Variants in CNTNAP3B observed in about 807,000 individuals in gnomAD.
The protein encoded by CNTNAP3B is contactin associated protein family member 3B.
CNTNAP3B carries 25 observed loss-of-function variants against 108.9 expected under a neutral mutation model. The ratio of observed to expected loss-of-function variants is 0.23; its 90% CI spans 0.17 to 0.32. The LOEUF (loss-of-function observed/expected upper bound fraction) is 0.32, where lower values mean the gene tolerates loss of function less well. CNTNAP3B is among the 10% of genes least tolerant of loss of function. CNTNAP3B has a pLI of 1.00. For missense variants in CNTNAP3B, 252 were observed against 1,210.4 expected, an observed-to-expected ratio of 0.21 and a Z score of 11.75; for synonymous variants, 103 against 473.4, an observed-to-expected ratio of 0.22 and a Z score of 10.16.
Position 41,997,758 on chromosome 9 carries a change from A to G in CNTNAP3B, c.743-6T>C. On this transcript the variant is annotated splice_polypyrimidine_tract_variant and splice_region_variant and intron_variant, in intron 5 of 23. Transcript: ENST00000377561. Reference sequence around the variant, plus strand: ...AGAAGGCAGCTTAGCATTGCCTTAAAGGAGAAGGAAAAAAACAGTTATTTC... The same window carrying G: ...AGAAGGCAGCTTAGCATTGCCTTAAGGGAGAAGGAAAAAAACAGTTATTTC... 1 of 1,257,264 alleles carries G rather than the reference A, an allele frequency of 8.0e-7. No individual in the cohort carries two copies. Among genetic ancestry groups the G allele is most frequent in the Non-Finnish European group, 1.1e-6 (1 of 917,096 alleles). 77.9% of individuals were successfully genotyped at this position (1,257,264 alleles called of 1,614,324 possible). A position where few individuals can be genotyped will look rare whatever the true frequency, so the allele number is the denominator to read the frequency against.
intron 15 of CNTNAP3B, among the ~76,000 whole-genome samples, chr9:41,925,104 TTC>T (rs1158279773): frequency 2.6e-5 from 4 of 151,930 alleles, no homozygotes; most frequent in Non-Finnish European, 4.4e-5. Flanking sequence ...GTTATTATTT[TTC>T]TCTTTTTTCA....
intron 14 of CNTNAP3B, among the ~76,000 whole-genome samples, chr9:41,935,718 G>A (rs1404305741): frequency 6.6e-6 from 1 of 152,248 alleles, no homozygotes; most frequent in East Asian, 1.9e-4. Context: ...ACTGGAAGCT[G>A]CAAAGTAAAT....
At chr9:42,058,157 T>G (rs1417676154) in intron 3 of CNTNAP3B, among the ~76,000 whole-genome samples, 2 of 146,174 alleles carry the variant, frequency 1.4e-5, no homozygotes, top group Non-Finnish European at 3.0e-5. Flanking sequence ...CTATTATGAA[T>G]AATACTGCAA....
At position 41,988,238 on chromosome 9, in the gene CNTNAP3B, A is replaced by AT. The variant is rs1209677991; in HGVS notation, c.1334-1928dup. 5.6e-3 allele frequency among the ~76,000 whole-genome samples: 145 copies of AT among 25,890 alleles called. 24 individuals carry two copies. The highest frequency in any genetic ancestry group is 8.9e-3 in the African/African-American group (77 of 8,626). The allele number at this position is 25,890 out of a possible 152,430, so 17.0% of individuals were successfully genotyped here. A position where few individuals can be genotyped will look rare whatever the true frequency, so the allele number is the denominator to read the frequency against. On this transcript the variant is annotated intron_variant, in intron 8 of 23. Coordinates refer to ENST00000377561, the MANE Select transcript of CNTNAP3B (RefSeq NM_001201380.3). ...TTTCTGTGCCTTTTACCTTCTTTGA[A>AT]TTTTTTTTTTTTTTTTTTTTTTTTT...
intron 17 of CNTNAP3B, among the ~76,000 whole-genome samples, chr9:41,922,105 T>A (rs1823685226): frequency 7.1e-6 from 1 of 141,026 alleles, no homozygotes; most frequent in Non-Finnish European, 1.5e-5. Context: ...AGCTGGTTAC[T>A]CCACTTCTCT....
intron 13 of CNTNAP3B, among the ~76,000 whole-genome samples, chr9:41,940,831 A>G (rs1824319266): frequency 6.6e-6 from 1 of 152,202 alleles, no homozygotes. Flanking sequence ...AATAACAACA[A>G]CAAAAAACCT....
intron 12 of CNTNAP3B, among the ~76,000 whole-genome samples, chr9:41,957,872 C>T (rs866311490): frequency 5.4e-4 from 82 of 152,356 alleles, no homozygotes; most frequent in African/African-American, 1.9e-3. Context: ...GCCATTCTTC[C>T]TTCTCAGCCT....
chr9:41,931,240 T>C (rs1256475877), intron 14 of CNTNAP3B, among the ~76,000 whole-genome samples: 1 of 152,286 alleles, frequency 6.6e-6, no homozygotes, highest in African/African-American at 2.4e-5. Flanking sequence ...CATGTGCTAT[T>C]TTGATACTAG....
rs1343910770 is a variant in CNTNAP3B at position 41,959,510 on chromosome 9, G to T, written c.1876+1263C>A. On this transcript the variant is annotated intron_variant, in intron 12 of 23. Transcript: ENST00000377561. ...TCATCTTAAAATGATGACAACCAAG[G>T]TCCTTCCTGGTTGTGACTTTGGTTG... Among the ~76,000 whole-genome samples, 4 of 152,408 alleles carry T rather than the reference G, an allele frequency of 2.6e-5. No individual in the cohort carries two copies. The South Asian group carries it at 8.3e-4, about 32-fold the overall frequency.
chr9:42,119,385 A>G (rs1158937889), intron 1 of CNTNAP3B, among the ~76,000 whole-genome samples: 2 of 133,762 alleles, frequency 1.5e-5, no homozygotes, highest in African/African-American at 6.1e-5. Flanking sequence ...AATCAGTATC[A>G]TGAAAATGGC....
chr9:42,095,192 C>T lies in CNTNAP3B; in HGVS notation c.196+9437G>A, dbSNP rs1350976161. Among the ~76,000 whole-genome samples, 32 of 138,498 alleles carry T rather than the reference C, an allele frequency of 2.3e-4. 5 individuals carry two copies. In the South Asian group the frequency reaches 3.3e-3, roughly 14 times the overall value. 90.9% of individuals were successfully genotyped at this position (138,498 alleles called of 152,430 possible). A position where few individuals can be genotyped will look rare whatever the true frequency, so the allele number is the denominator to read the frequency against. On this transcript the variant is annotated intron_variant, in intron 2 of 23. Coordinates refer to ENST00000377561, the MANE Select transcript of CNTNAP3B (RefSeq NM_001201380.3). ...CTTCCCTATCCACCTTCTCCTCTAG[C>T]GTCTGGTAACCACCATTCTACTCTC...
intron 2 of CNTNAP3B, among the ~76,000 whole-genome samples, chr9:42,086,524 A>C (rs1827709123): frequency 7.6e-6 from 1 of 132,042 alleles, no homozygotes; most frequent in Non-Finnish European, 1.6e-5. Context: ...AGCTCACTGC[A>C]ACCTCCACCT....
intron 3 of CNTNAP3B, among the ~76,000 whole-genome samples, chr9:42,041,338 T>C (rs1201265690): frequency 4.0e-5 from 6 of 150,112 alleles, no homozygotes; most frequent in Non-Finnish European, 5.9e-5. Flanking sequence ...AATCTACCCA[T>C]CTGACAAAGG....
At chr9:42,073,921 C>CA (rs1170298336) in intron 3 of CNTNAP3B, among the ~76,000 whole-genome samples, 3 of 100,496 alleles carry the variant, frequency 3.0e-5, no homozygotes, top group Admixed American at 1.1e-4. Flanking sequence ...GTTATGGGCA[C>CA]AAAAAAATAG....
At chr9:41,965,388 C>A (rs1190004287) in intron 10 of CNTNAP3B, among the ~76,000 whole-genome samples, 2 of 151,222 alleles carry the variant, frequency 1.3e-5, no homozygotes, top group Non-Finnish European at 2.9e-5. Context: ...ATATTGGGGG[C>A]CTAGCATGCC....
chr9:42,070,697 A>T (rs1355317708), intron 3 of CNTNAP3B, among the ~76,000 whole-genome samples: 4 of 152,166 alleles, frequency 2.6e-5, no homozygotes, highest in African/African-American at 9.7e-5. Context: ...GTCAGTCCAG[A>T]CAGCTGCTGC....
rs1054671877 is a variant in CNTNAP3B, at chr9:42,115,175, AT to A, written c.86-10437del. Among the ~76,000 whole-genome samples, 3 of 139,008 alleles carry A rather than the reference AT, an allele frequency of 2.2e-5. 1 individual carries two copies. The highest frequency in any genetic ancestry group is 4.6e-5 in the Non-Finnish European group (3 of 64,862). 91.2% of individuals were successfully genotyped at this position (139,008 alleles called of 152,430 possible). A position where few individuals can be genotyped will look rare whatever the true frequency, so the allele number is the denominator to read the frequency against. ...AACATTGCTAAATGCAATCAAAGAG[AT>A]TTTTTGTATACTCATAAGAAAAAAC... On this transcript the variant is annotated intron_variant, in intron 1 of 23. Coordinates refer to ENST00000377561, the MANE Select transcript of CNTNAP3B (RefSeq NM_001201380.3).
intron 9 of CNTNAP3B, among the ~76,000 whole-genome samples, chr9:41,978,864 G>A (rs1180778587): frequency 6.8e-6 from 1 of 147,182 alleles, no homozygotes; most frequent in East Asian, 2.0e-4. Context: ...CAACTTGACT[G>A]TGGTAATCAG....
At chr9:41,966,854 C>A (rs1307769452) in intron 10 of CNTNAP3B, among the ~76,000 whole-genome samples, 1 of 150,210 alleles carries the variant, frequency 6.7e-6, no homozygotes, top group African/African-American at 2.5e-5. Flanking sequence ...GTAGTTCCAG[C>A]TACTCGGGAG....
Sources: gnomAD v4.1 joint callset for allele counts (sites outside exome capture counted in the v4.1 genomes callset) on GRCh38, gnomAD v4.1.1 for gene constraint, MANE v1.5 for transcripts, NCBI Gene and HGNC (gene_info 2026-07-23, HGNC 2026-07-21) for gene names.